The following SEMA4D variants were observed in gnomAD, a reference collection of about 807,000 sequenced individuals.
SEMA4D encodes semaphorin 4D.
Under a neutral mutation model 74.8 loss-of-function variants are expected in SEMA4D, and 22 were observed. The ratio of observed to expected loss-of-function variants is 0.29; its 90% confidence interval spans 0.21 to 0.42. The LOEUF (loss-of-function observed/expected upper bound fraction) is 0.42. SEMA4D is among the 10% of genes least tolerant of loss of function. SEMA4D has a pLI of 1.00. For missense variants in SEMA4D, 937 were observed against 1,118.4 expected, an observed-to-expected ratio of 0.84 and a Z score of 2.31; for synonymous variants, 445 against 463.7, an observed-to-expected ratio of 0.96 and a Z score of 0.52.
intron 18 of SEMA4D, among the ~76,000 whole-genome samples, chr9:89,362,922 A>G (rs1198242179): frequency 6.6e-6 from 1 of 152,096 alleles, no homozygotes; most frequent in Non-Finnish European, 1.5e-5. Flanking sequence ...GGGAGCCTCT[A>G]GGGAGCCTCT....
rs550742614 is a variant in SEMA4D, at chr9:89,497,977, T to TGGCGGCGGC, written c.-377_-369dup. 4.1e-4 allele frequency: 59 copies of TGGCGGCGGC among 145,550 alleles called. 1 individual carries two copies. Among genetic ancestry groups the TGGCGGCGGC allele is most frequent in the South Asian group, 1.3e-3 (7 of 5,390 alleles). 9.0% of individuals were successfully genotyped at this position (145,550 alleles called of 1,614,324 possible). ...GCCGGGCGAGTTCGGGCGCCAGGAA[T>TGGCGGCGGC]GGCGGCGGCGGCGGCGGCGGCAGCG... On this transcript the variant is annotated 5_prime_UTR_variant, in exon 1 of 16. Transcript: ENST00000422704.
intron 2 of SEMA4D, among the ~76,000 whole-genome samples, chr9:89,422,913 T>C (rs1170325066): frequency 6.6e-6 from 1 of 152,208 alleles, no homozygotes; most frequent in Non-Finnish European, 1.5e-5. Flanking sequence ...AGTGCTGGGA[T>C]CTTTAGTAGT....
exon 19 of SEMA4D, chr9:89,362,314 G>C (rs1232606527): frequency 1.3e-5 from 21 of 1,611,288 alleles, no homozygotes; most frequent in Non-Finnish European, 1.6e-5. Context: ...AGTTGTGGGG[G>C]ACCAGGCCTT....
Position 89,412,209 on chromosome 9 carries a change from C to T in SEMA4D, c.-243-6510G>A, listed in dbSNP as rs114379626. On this transcript the variant is annotated intron_variant, in intron 2 of 15. Transcript: ENST00000422704. Reference sequence around the variant, plus strand: ...CCCAGTGAGAAGACTAGGGCCAGACCCGGAGAGGACAAAGGTAAGGAGCCA... The same window carrying T: ...CCCAGTGAGAAGACTAGGGCCAGACTCGGAGAGGACAAAGGTAAGGAGCCA... 6.4e-3 allele frequency among the ~76,000 whole-genome samples: 979 copies of T among 152,288 alleles called. 12 individuals carry two copies. The highest frequency in any genetic ancestry group is 0.022 in the African/African-American group (915 of 41,548).
chr9:89,403,654 A>G (rs1179199505), intron 3 of SEMA4D, among the ~76,000 whole-genome samples: 1 of 152,264 alleles, frequency 6.6e-6, no homozygotes, highest in Non-Finnish European at 1.5e-5. Context: ...CTGCTTAAGA[A>G]TAATATAAAT....
rs551848590 is a variant in SEMA4D, at chr9:89,480,157, AT to A, written c.-310+17761del. On this transcript the variant is annotated intron_variant, in intron 1 of 15. Coordinates refer to ENST00000422704, the MANE Select transcript of SEMA4D (RefSeq NM_001371194.2). ...ACCTTGAGCTAAACACAGGGTGCTGATTGGTGTATTTACAATCCCTGAGCTA... is the reference window on the plus strand; with the variant it reads ...ACCTTGAGCTAAACACAGGGTGCTGATGGTGTATTTACAATCCCTGAGCTA... Among the ~76,000 whole-genome samples, 129 of 152,092 alleles carry A rather than the reference AT, an allele frequency of 8.5e-4. 1 individual carries two copies. Among genetic ancestry groups the A allele is most frequent in the African/African-American group, 3.0e-3 (124 of 41,470 alleles).
intron 1 of SEMA4D, among the ~76,000 whole-genome samples, chr9:89,460,131 C>T (rs747947905): frequency 1.3e-5 from 2 of 152,232 alleles, no homozygotes; most frequent in Non-Finnish European, 1.5e-5. Context: ...CGCCTGCTCC[C>T]GATCACTCAC....
At chr9:89,385,866 G>GGGGGGGGGGCGCCCC in intron 13 of SEMA4D, 1 of 196,226 alleles carries the variant, frequency 5.1e-6, no homozygotes, top group Non-Finnish European at 9.0e-6. Context: ...CAGCGTGGAT[G>GGGGGGGGGGCGCCCC]CCCGCCCACC....
At chr9:89,434,165 G>A (rs191255788) in intron 2 of SEMA4D, among the ~76,000 whole-genome samples, 168 of 152,260 alleles carry the variant, frequency 1.1e-3, no homozygotes, top group African/African-American at 3.8e-3. Context: ...AGTAATGTGC[G>A]ACAAGGTCTA....
chr9:89,418,512 G>A, intron 2 of SEMA4D: 1 of 744,906 alleles, frequency 1.3e-6, no homozygotes, highest in Non-Finnish European at 1.6e-6. Flanking sequence ...TCTTCATGAG[G>A]CAAAGAAGGA....
At chr9:89,415,054 G>C (rs914388582) in intron 2 of SEMA4D, among the ~76,000 whole-genome samples, 1 of 152,208 alleles carries the variant, frequency 6.6e-6, no homozygotes, top group East Asian at 1.9e-4. Flanking sequence ...GCACGAACAG[G>C]GCCCTTCAGA....
chr9:89,491,436 G>A (rs1341100262), intron 1 of SEMA4D, among the ~76,000 whole-genome samples: 1 of 152,230 alleles, frequency 6.6e-6, no homozygotes, highest in African/African-American at 2.4e-5. Context: ...CGGGCATGGT[G>A]GCGTGTGCCT....
chr9:89,455,453 G>A (rs1337849110), intron 2 of SEMA4D, among the ~76,000 whole-genome samples: 1 of 152,172 alleles, frequency 6.6e-6, no homozygotes, highest in East Asian at 1.9e-4. Flanking sequence ...AGGGTCGGGT[G>A]AAAGACCACC....
At chr9:89,490,493 T>C (rs1393494159) in intron 1 of SEMA4D, among the ~76,000 whole-genome samples, 1 of 152,252 alleles carries the variant, frequency 6.6e-6, no homozygotes, top group African/African-American at 2.4e-5. Context: ...ATTCTGCTTT[T>C]CACTGTCAGT....
intron 16 of SEMA4D, among the ~76,000 whole-genome samples, chr9:89,371,310 TG>T (rs2132441587): frequency 8.6e-6 from 1 of 115,952 alleles, no homozygotes; most frequent in African/African-American, 3.4e-5. Flanking sequence ...GTCTGGGGTG[TG>T]GTGTGTGTGG....
chr9:89,427,629 C>G (rs73654787), intron 2 of SEMA4D, among the ~76,000 whole-genome samples: 40,848 of 152,136 alleles, frequency 0.27, 6,059 homozygotes, highest in African/African-American at 0.37. Context: ...CTCTCCACCC[C>G]CCGGTCAGCA....
In SEMA4D at chr9:89,388,962, C is replaced by G. The variant is rs776286170; in HGVS notation, c.860G>C (p.Gly287Ala). ...ARLICSRPDS[G>A]LVFNVLRDVF... ...ATCCCGCAGCACATTGAAGACCAAG[C>G]CGCTGTCTGGCCGGGAGCAGATGAG... is the stretch of plus-strand genomic sequence containing the variant. Residue 287 changes from glycine to alanine, a missense_variant, in exon 10 of 16, where the codon GGC becomes GCC. Transcript: ENST00000422704. 3 of 1,614,170 alleles carry G rather than the reference C, an allele frequency of 1.9e-6. No individual in the cohort carries two copies. The highest frequency in any genetic ancestry group is 8.5e-7 in the Non-Finnish European group (1 of 1,180,032).
intron 2 of SEMA4D, 104 bp from the exon 3 acceptor site, chr9:89,405,803 A>T (rs1843194884): frequency 3.0e-5 from 39 of 1,305,596 alleles, no homozygotes; most frequent in Non-Finnish European, 3.4e-5. Context: ...ACCCGGGTCC[A>T]TCTGCTGAGG....
In SEMA4D at chr9:89,378,940, G is replaced by C. The variant is rs141440756; in HGVS notation, c.2353C>G (p.Arg785Gly). The C allele has an allele frequency of 3.7e-6, 6 of 1,614,178 alleles. No homozygotes were observed. The highest frequency in any genetic ancestry group is 5.1e-6 in the Non-Finnish European group (6 of 1,180,040). Residue 785 changes from arginine (R) to glycine (G), a missense_variant, in exon 16 of 16, where the codon CGT becomes GGT. By Grantham distance (125) the Arg-to-Gly change is moderately radical. Transcript: ENST00000422704. ...KKKPKSDFCD[R>G]EQSLKETLVE... ...AACGTCTCCTTCAGGCTCTGCTCAC[G>C]GTCACAGAAATCTGACTTGGGCTTC...
Sources: gnomAD v4.1 joint callset for allele counts (sites outside exome capture counted in the v4.1 genomes callset) on GRCh38, gnomAD v4.1.1 for gene constraint, MANE v1.5 for transcripts, NCBI Gene and HGNC (gene_info 2026-07-23, HGNC 2026-07-21) for gene names.